LPCAT4: variants seen among roughly 807,000 people sequenced by gnomAD.
The protein encoded by LPCAT4 is lysophospholipid acyltransferase LPCAT4.
Under a neutral mutation model 66.5 loss-of-function variants are expected in LPCAT4, and 30 were observed. That is an observed-to-expected ratio of 0.45 (90% CI 0.34 to 0.61). LPCAT4 has a LOEUF of 0.61. Ranked by LOEUF, LPCAT4 falls within the 20% of genes least tolerant of loss-of-function variation. The pLI, the probability that LPCAT4 is intolerant of heterozygous loss-of-function variation, is 0.01. For synonymous variants in LPCAT4, 253 were observed against 262.1 expected, an observed-to-expected ratio of 0.97 and a Z score of 0.34; for missense variants, 557 against 656.7, an observed-to-expected ratio of 0.85 and a Z score of 1.66.
In LPCAT4 at chr15:34,359,857, CT is replaced by C; in HGVS notation, c.1243-113del. ...TCTTCCAAAAGGGTGGTGCACAAGC[CT>C]TCCCTGACCCTCCAGTGCCCTTTCT... On this transcript the variant is annotated intron_variant, in intron 12 of 13. Transcript: ENST00000314891. 1.8e-6 allele frequency: 2 copies of C among 1,141,426 alleles called. 1 individual carries two copies. 70.7% of individuals were successfully genotyped at this position (1,141,426 alleles called of 1,614,324 possible).
rs1890993593 is a variant in LPCAT4, at chr15:34,363,314, C to T, written c.746+108G>A. On this transcript the variant is annotated intron_variant, in intron 7 of 13. Coordinates refer to ENST00000314891, the MANE Select transcript of LPCAT4 (RefSeq NM_153613.3). The surrounding 1 kb of genome is among the most constrained non-coding windows in gnomAD (Gnocchi z 4.3). ...TGTCTCCTCTAGAGTTCTCTCAGTC[C>T]TCAGATGAAGAAGGGCCATTCACCT... 2 of 1,214,050 alleles carry T rather than the reference C, an allele frequency of 1.6e-6. No homozygotes were observed. Among genetic ancestry groups the T allele is most frequent in the Non-Finnish European group, 1.2e-6 (1 of 846,354 alleles). The allele number at this position is 1,214,050 out of a possible 1,614,324, so 75.2% of individuals were successfully genotyped here. A position where few individuals can be genotyped will look rare whatever the true frequency, so the allele number is the denominator to read the frequency against.
intron 3 of LPCAT4, chr15:34,364,590 A>ATTTTT (rs59218958): frequency 0.022 from 3,475 of 155,758 alleles, 123 homozygotes; most frequent in African/African-American, 0.074. Context: ...CGCCCGGCTA[A>ATTTTT]TTTTTTTTTT....
At chr15:34,360,052 TC>T in intron 12 of LPCAT4, 58 bp downstream of exon 12, 2 of 1,395,402 alleles carry the variant, frequency 1.4e-6, no homozygotes, top group Non-Finnish European at 2.0e-6. Flanking sequence ...AAAATAGGCC[TC>T]CTGGAGCGGG....
At position 34,364,260 on chromosome 15, in the gene LPCAT4, C is replaced by T. The variant is rs367598848; in HGVS notation, c.525G>A (p.Pro175=). 1,045 of 1,614,088 alleles carry T rather than the reference C, an allele frequency of 6.5e-4. 6 individuals carry two copies. The highest frequency in any genetic ancestry group is 5.2e-3 in the South Asian group (475 of 91,080). ...CCTCCACCACTCTGCGTCGAGAAGCCGGGTCATGCCGGGATACCAGGATGG... is the reference window on the plus strand; with the variant it reads ...CCTCCACCACTCTGCGTCGAGAAGCTGGGTCATGCCGGGATACCAGGATGG... ...NQAILVSRHD[P]ASRRRVVEEV... Residue 175 remains proline (P), a synonymous_variant, in exon 4 of 14, where the codon CCG becomes CCA. Coordinates refer to ENST00000314891, the MANE Select transcript of LPCAT4 (RefSeq NM_153613.3).
chr15:34,363,473 G>C lies in LPCAT4; in HGVS notation c.712-17C>G. On this transcript the variant is annotated splice_polypyrimidine_tract_variant and intron_variant, in intron 6 of 13. Coordinates refer to ENST00000314891, the MANE Select transcript of LPCAT4 (RefSeq NM_153613.3). This position sits in a 1 kb window ranked among gnomAD's most constrained non-coding sequence, Gnocchi z 4.3. ...GGTGGTGTCCTATGGGAGAAACACA[G>C]GTGAGGGCATAAGAGCATTACTTTT... 6.2e-7 allele frequency: 1 copy of C among 1,614,096 alleles called. No homozygotes were observed. The highest frequency in any genetic ancestry group is 8.5e-7 in the Non-Finnish European group (1 of 1,179,996).
At chr15:34,359,787 C>A (rs1432776899) in intron 12 of LPCAT4, 42 bp from the exon 13 acceptor site, 2 of 1,562,046 alleles carry the variant, frequency 1.3e-6, no homozygotes, top group African/African-American at 1.3e-5. Context: ...TCTCCTCATG[C>A]CATGGCCTCA....
At chr15:34,359,551 C>T (rs71464862) in intron 13 of LPCAT4, 38 bp downstream of exon 13, 161,551 of 1,597,766 alleles carry the variant, frequency 0.1, 9,258 homozygotes, top group Middle Eastern at 0.18. Context: ...TGATGGTGCC[C>T]CAAGTGCCCG....
chr15:34,361,386 T>G lies in LPCAT4; in HGVS notation c.1143+14A>C. ...GCCTGGGTTCTGCTCTGCTCTTTGT[T>G]CCAGCTCCTTTACCTGCTGGAAGTA... On this transcript the variant is annotated intron_variant, in intron 11 of 13. Transcript: ENST00000314891. The G allele has an allele frequency of 6.2e-7, 1 of 1,614,164 alleles. No individual in the cohort carries two copies. Among genetic ancestry groups the G allele is most frequent in the Non-Finnish European group, 8.5e-7 (1 of 1,180,016 alleles).
intron 1 of LPCAT4, chr15:34,366,769 C>A: frequency 1.8e-6 from 1 of 570,740 alleles, no homozygotes; most frequent in Non-Finnish European, 3.1e-6. Context: ...AGTTTTTCCA[C>A]ATCTTCGAGC....
chr15:34,365,173 C>A lies in LPCAT4; in HGVS notation c.313G>T (p.Gly105Cys). ...CCACGAACGCGAATCCGGAGGAAGC[C>A]CAGCAGGAAAAACAGCAGGCGGCTC... ...GLSRLLFFLL[G>C]FLRIRVRGQR... The change falls in exon 3 of 14, where the codon GGC (glycine) becomes TGC (cysteine). Residue 105 changes from glycine to cysteine, a missense_variant. Gly to Cys is a radical substitution (Grantham distance 159, BLOSUM62 -3). This residue lies in a region of LPCAT4 where 65 missense variants were observed against 83.5 expected (regional missense o/e 0.78). Coordinates refer to ENST00000314891, the MANE Select transcript of LPCAT4 (RefSeq NM_153613.3). 2 of 1,614,052 alleles carry A rather than the reference C, an allele frequency of 1.2e-6. No homozygotes were observed. Among genetic ancestry groups the A allele is most frequent in the Non-Finnish European group, 1.7e-6 (2 of 1,179,974 alleles).
chr15:34,363,224 C>T lies in LPCAT4; in HGVS notation c.746+198G>A, dbSNP rs1461448627. On this transcript the variant is annotated intron_variant, in intron 7 of 13. Transcript: ENST00000314891. The surrounding 1 kb of genome is among the most constrained non-coding windows in gnomAD (Gnocchi z 4.3). ...ATAGCAGCCATAATCACAGCAGGAA[C>T]AGTTTAGGTGGGATAGCTAATCTAA... Among the ~76,000 whole-genome samples the T allele has an allele frequency of 6.6e-6, 1 of 152,290 alleles. No homozygotes were observed. Among genetic ancestry groups the T allele is most frequent in the South Asian group, 2.1e-4 (1 of 4,826 alleles).
In LPCAT4 at chr15:34,359,726, G is replaced by A. The variant is rs1308811396; in HGVS notation, c.1262C>T (p.Ala421Val). 6.2e-7 allele frequency: 1 copy of A among 1,613,268 alleles called. No individual in the cohort carries two copies. Among genetic ancestry groups the A allele is most frequent in the Non-Finnish European group, 8.5e-7 (1 of 1,179,816 alleles). ...LAFELFAEEQ[A>V]EGPNRLLYKD... ...GTACAGCAGGCGGTTGGGACCCTCT[G>A]CTTGCTCTTCAGCAAAGAGCTTGGG... Residue 421 changes from alanine to valine, a missense_variant, in exon 13 of 14, where the codon GCA (alanine) becomes GTA (valine). Ala to Val is a moderately conservative substitution (Grantham distance 64, BLOSUM62 0). Coordinates refer to ENST00000314891, the MANE Select transcript of LPCAT4 (RefSeq NM_153613.3).
intron 11 of LPCAT4, among the ~76,000 whole-genome samples, chr15:34,360,562 TAGA>T (rs1890918772): frequency 1.3e-5 from 2 of 152,226 alleles, no homozygotes; most frequent in South Asian, 4.1e-4. Context: ...TCAGCCTATG[TAGA>T]AGAACTGGTC....
chr15:34,363,888 G>T lies in LPCAT4; in HGVS notation c.652+125C>A. ...CTCGACTTGACAGCATTAGCTAGGA[G>T]GTTCCTGGTCTCCCTTCCTCTCCCA... On this transcript the variant is annotated intron_variant, in intron 5 of 13. Coordinates refer to ENST00000314891, the MANE Select transcript of LPCAT4 (RefSeq NM_153613.3). The surrounding 1 kb of genome is among the most constrained non-coding windows in gnomAD (Gnocchi z 4.3). 2 of 1,278,004 alleles carry T rather than the reference G, an allele frequency of 1.6e-6. No homozygotes were observed. The highest frequency in any genetic ancestry group is 2.3e-6 in the Non-Finnish European group (2 of 888,364). The allele number at this position is 1,278,004 out of a possible 1,614,324, so 79.2% of individuals were successfully genotyped here. A position where few individuals can be genotyped will look rare whatever the true frequency, so the allele number is the denominator to read the frequency against.
rs764269629 is a variant in LPCAT4, at chr15:34,363,708, C to T, written c.664G>A (p.Ala222Thr). 1.6e-5 allele frequency: 26 copies of T among 1,613,986 alleles called. No homozygotes were observed. The highest frequency in any genetic ancestry group is 1.0e-4 in the Admixed American group (6 of 60,006). The change falls in exon 6 of 14, where the codon GCA becomes ACA. Residue 222 changes from alanine to threonine, a missense_variant. By Grantham distance (58) the Ala-to-Thr change is moderately conservative (BLOSUM62 0). Coordinates refer to ENST00000314891, the MANE Select transcript of LPCAT4 (RefSeq NM_153613.3). The surrounding 1 kb of genome is among the most constrained non-coding windows in gnomAD (Gnocchi z 4.3). Reference sequence around the variant, plus strand: ...AGGACAGGCTGCACAGGCACCCCTGCGATGAAGGCTCCTAAATCCCATTTC... The same window carrying T: ...AGGACAGGCTGCACAGGCACCCCTGTGATGAAGGCTCCTAAATCCCATTTC... ...LLKFKPGAFI[A>T]GVPVQPVLIR...
rs1381777783 is a variant in LPCAT4, at chr15:34,362,405, T to C, written c.885-84A>G. ...TGGTTCCTGACCCTGGCCCGCTGAC[T>C]GGAGTAGATCAGGCCCCTTTAAATC... On this transcript the variant is annotated intron_variant, in intron 9 of 13. Transcript: ENST00000314891. 3 of 1,557,788 alleles carry C rather than the reference T, an allele frequency of 1.9e-6. No homozygotes were observed. The African/African-American group carries it at 4.1e-5, about 21-fold the overall frequency.
intron 11 of LPCAT4, chr15:34,361,050 T>A (rs1890930720): frequency 6.2e-6 from 2 of 322,638 alleles, no homozygotes; most frequent in Non-Finnish European, 1.0e-5. Flanking sequence ...CTACATGTCA[T>A]CTTCCCACGT....
In LPCAT4 at chr15:34,359,096, C is replaced by G. The variant is rs562925405; in HGVS notation, c.*31G>C. ...CATAGGGGAGGCCCCTAGCGCTGCCCTGAGGAGGAGGGGGTGAGAGGCTGA... is the reference window on the plus strand; with the variant it reads ...CATAGGGGAGGCCCCTAGCGCTGCCGTGAGGAGGAGGGGGTGAGAGGCTGA... On this transcript the variant is annotated 3_prime_UTR_variant, in exon 14 of 14. Coordinates refer to ENST00000314891, the MANE Select transcript of LPCAT4 (RefSeq NM_153613.3). The G allele has an allele frequency of 6.3e-7, 1 of 1,583,592 alleles. No homozygotes were observed. Among genetic ancestry groups the G allele is most frequent in the Admixed American group, 1.8e-5 (1 of 55,986 alleles).
In LPCAT4 at chr15:34,365,667, C is replaced by A. The variant is rs868612816; in HGVS notation, c.149G>T (p.Arg50Leu). 1.9e-6 allele frequency: 3 copies of A among 1,614,016 alleles called. No homozygotes were observed. Among genetic ancestry groups the A allele is most frequent in the Non-Finnish European group, 2.5e-6 (3 of 1,179,998 alleles). Residue 50 changes from arginine to leucine, a missense_variant, in exon 2 of 14, where the codon CGA becomes CTA. Physicochemically the swap from Arg to Leu is moderately radical, Grantham distance 102 (BLOSUM62 -2). Transcript: ENST00000314891. ...CLLGALLAPI[R>L]VLLAFIVLFL... ...GAGGACGATAAAGGCCAGAAGCACT[C>A]GGATGGGGGCCAGCAATGCCCCCAG...
Sources: gnomAD v4.1 joint callset for allele counts (sites outside exome capture counted in the v4.1 genomes callset) on GRCh38, gnomAD v4.1.1 for gene constraint, gnomAD v4.1.1 regional missense constraint, Gnocchi (gnomAD v3.1) non-coding constraint, MANE v1.5 for transcripts, NCBI Gene and HGNC (gene_info 2026-07-23, HGNC 2026-07-21) for gene names.